Variants in PHTF2 observed in about 807,000 individuals in gnomAD.
PHTF2 encodes the protein putative homeodomain transcription factor 2.
Under a neutral mutation model 101.2 loss-of-function variants are expected in PHTF2, and 60 were observed. That is an observed-to-expected ratio of 0.59 (90% CI 0.48 to 0.73). PHTF2 has a LOEUF of 0.73. PHTF2 is among the 30% of genes least tolerant of loss of function. The pLI, the probability that PHTF2 is intolerant of heterozygous loss-of-function variation, is 0.00. For synonymous variants in PHTF2, 311 were observed against 307.3 expected, an observed-to-expected ratio of 1.01 and a Z score of -0.13; for missense variants, 747 against 908.7, an observed-to-expected ratio of 0.82 and a Z score of 2.29.
chr7:77,919,624 AT>A (rs1803257819), intron 9 of PHTF2, among the ~76,000 whole-genome samples: 1 of 152,086 alleles, frequency 6.6e-6, no homozygotes, highest in Non-Finnish European at 1.5e-5. Context: ...TGAAAAAAAA[AT>A]TTATTCTTAT....
chr7:77,920,383 A>G (rs367743132), exon 10 of PHTF2: 2 of 1,613,112 alleles, frequency 1.2e-6, no homozygotes, highest in African/African-American at 2.7e-5. Flanking sequence ...GATGGAATAC[A>G]AAACCATGAA....
chr7:77,874,199 C>G (rs1798750341), intron 3 of PHTF2, among the ~76,000 whole-genome samples: 1 of 152,112 alleles, frequency 6.6e-6, no homozygotes, highest in South Asian at 2.1e-4. Context: ...ACAGTTCATG[C>G]CAAGGACTAA....
chr7:77,842,340 A>G (rs1795955299), intron 2 of PHTF2, among the ~76,000 whole-genome samples: 1 of 152,140 alleles, frequency 6.6e-6, no homozygotes, highest in South Asian at 2.1e-4. Context: ...AGTAGCTGGG[A>G]CTACAGGCAT....
intron 3 of PHTF2, among the ~76,000 whole-genome samples, chr7:77,857,222 A>C (rs1444196766): frequency 2.0e-5 from 3 of 152,214 alleles, no homozygotes; most frequent in African/African-American, 7.2e-5. Flanking sequence ...GGAGTTAACA[A>C]GGATGAAAGT....
Position 77,949,803 on chromosome 7 carries a change from T to C in PHTF2, c.2085T>C (p.Tyr695=), listed in dbSNP as rs1172172818. The C allele has an allele frequency of 2.0e-6, 3 of 1,530,950 alleles. No individual in the cohort carries two copies. The East Asian group carries it at 6.9e-5, about 35-fold the overall frequency. The allele number at this position is 1,530,950 out of a possible 1,614,324, so 94.8% of individuals were successfully genotyped here. The stretch of plus-strand genomic sequence containing the variant: ...TTGGATCAGAAACAAGTAAAAAATA[T>C]AGTAATACCTCAATATTACTTACTG... The change falls in exon 17 of 20, where the codon TAT becomes TAC. Residue 695 remains tyrosine (Y), a synonymous_variant. Transcript: ENST00000416283.
chr7:77,857,258 TGTA>T (rs1797258038), intron 3 of PHTF2, among the ~76,000 whole-genome samples: 1 of 152,208 alleles, frequency 6.6e-6, no homozygotes. Flanking sequence ...GATGTGTTAC[TGTA>T]TTGGAGAAAG....
At chr7:77,883,660 T>C (rs541437349) in intron 3 of PHTF2, among the ~76,000 whole-genome samples, 80 of 152,308 alleles carry the variant, frequency 5.3e-4, no homozygotes, top group Non-Finnish European at 9.1e-4. Context: ...ACAAAAATAT[T>C]ACACTGTCAA....
chr7:77,888,698 T>C (rs1800091846), intron 3 of PHTF2, among the ~76,000 whole-genome samples: 1 of 152,230 alleles, frequency 6.6e-6, no homozygotes, highest in Non-Finnish European at 1.5e-5. Context: ...GTAGTTATTT[T>C]CTTCCTGAGT....
chr7:77,929,506 G>A (rs1804368948), intron 12 of PHTF2, among the ~76,000 whole-genome samples, 179 bp downstream of exon 11: 1 of 152,066 alleles, frequency 6.6e-6, no homozygotes, highest in Non-Finnish European at 1.5e-5. Flanking sequence ...TACTTATATT[G>A]TGGTTATGTA....
At chr7:77,918,668 A>G (rs1247798627) in intron 9 of PHTF2, among the ~76,000 whole-genome samples, 1 of 152,194 alleles carries the variant, frequency 6.6e-6, no homozygotes, top group African/African-American at 2.4e-5. Context: ...CAGACAGAGG[A>G]AGTAACAAGT....
At chr7:77,939,930 T>TTAAA in intron 13 of PHTF2, 100 bp from the exon 13 acceptor site, 1 of 879,318 alleles carries the variant, frequency 1.1e-6, no homozygotes, top group East Asian at 2.7e-5. Flanking sequence ...GAGTATATTT[T>TTAAA]AACAAATGAT....
chr7:77,950,700 A>G (rs1214758964), intron 17 of PHTF2, among the ~76,000 whole-genome samples: 1 of 152,084 alleles, frequency 6.6e-6, no homozygotes, highest in African/African-American at 2.4e-5. Context: ...AAAATCAACC[A>G]CTTCCTCCAA....
intron 3 of PHTF2, among the ~76,000 whole-genome samples, chr7:77,881,968 T>C (rs1179160743): frequency 1.3e-5 from 2 of 152,216 alleles, no homozygotes; most frequent in Non-Finnish European, 2.9e-5. Context: ...CTTCTCTTCA[T>C]TGAAATAAAA....
At chr7:77,947,164 A>G (rs986167268) in intron 16 of PHTF2, among the ~76,000 whole-genome samples, 1 of 151,708 alleles carries the variant, frequency 6.6e-6, no homozygotes, top group African/African-American at 2.4e-5. Context: ...TTCAATAGCA[A>G]CAACAACAAC....
chr7:77,823,948 G>T (rs780928275), intron 1 of PHTF2, among the ~76,000 whole-genome samples: 12 of 152,196 alleles, frequency 7.9e-5, no homozygotes, highest in Admixed American at 4.6e-4. Flanking sequence ...ATTTTAAAAA[G>T]ATAAGTAGTG....
intron 1 of PHTF2, among the ~76,000 whole-genome samples, chr7:77,799,177 T>C (rs564379487): frequency 7.3e-4 from 111 of 152,136 alleles, no homozygotes; most frequent in African/African-American, 2.6e-3. Context: ...CGCGACCCCT[T>C]CTCATCAGTC....
At chr7:77,886,213 C>T (rs1799833384) in intron 3 of PHTF2, among the ~76,000 whole-genome samples, 1 of 152,160 alleles carries the variant, frequency 6.6e-6, no homozygotes, top group Non-Finnish European at 1.5e-5. Context: ...ATGTGATAAC[C>T]TAGGGGTAAT....
At chr7:77,823,066 G>C (rs894809077) in intron 1 of PHTF2, among the ~76,000 whole-genome samples, 1 of 149,020 alleles carries the variant, frequency 6.7e-6, no homozygotes, top group Non-Finnish European at 1.5e-5. Context: ...TACCACGCCC[G>C]GCTAATTTTT....
intron 9 of PHTF2, among the ~76,000 whole-genome samples, chr7:77,916,311 ATTAT>A (rs1802921873): frequency 6.6e-6 from 1 of 152,216 alleles, no homozygotes; most frequent in Non-Finnish European, 1.5e-5. Context: ...AACAGGAGGA[ATTAT>A]TTAAACATCT....
Sources: allele counts gnomAD v4.1 joint callset (sites outside exome capture counted in the v4.1 genomes callset), GRCh38; gene constraint gnomAD v4.1.1; transcripts MANE v1.5; gene names NCBI Gene and HGNC (gene_info 2026-07-23, HGNC 2026-07-21).